Variants in PCDHA3 observed in about 807,000 individuals in gnomAD.
PCDHA3 encodes the protein protocadherin alpha-3.
In PCDHA3, 41 loss-of-function variants were observed where a neutral mutation model predicts 62.2. The ratio of observed to expected loss-of-function variants is 0.66; its 90% CI spans 0.51 to 0.86. The LOEUF (loss-of-function observed/expected upper bound fraction) is 0.86, where lower values mean the gene tolerates loss of function less well. Ranked by LOEUF, PCDHA3 falls within the 40% of genes least tolerant of loss-of-function variation. The pLI is 0.00. For missense variants in PCDHA3, 1,304 were observed against 1,241.2 expected, an observed-to-expected ratio of 1.05 and a Z score of -0.76; for synonymous variants, 640 against 555.4, an observed-to-expected ratio of 1.15 and a Z score of -2.14.
intron 1 of PCDHA3, among the ~76,000 whole-genome samples, chr5:140,839,484 G>A (rs1263127603): frequency 1.3e-5 from 2 of 151,800 alleles, no homozygotes; most frequent in African/African-American, 4.8e-5. Context: ...CTGCCTCCTG[G>A]GCTCAAGTGA....
intron 1 of PCDHA3, chr5:140,928,746 C>A (rs782813323): frequency 6.2e-7 from 1 of 1,614,130 alleles, no homozygotes. Context: ...TAGGTGAGCT[C>A]CGTACTGCTC....
chr5:140,850,511 C>T (rs2150486900), intron 1 of PCDHA3: 2 of 1,598,036 alleles, frequency 1.3e-6, no homozygotes, highest in East Asian at 2.2e-5. Context: ...TGGTGGAGAG[C>T]GGCCAGGCGC....
At chr5:140,892,894 TC>T (rs1198816126) in intron 1 of PCDHA3, among the ~76,000 whole-genome samples, 8 of 152,158 alleles carry the variant, frequency 5.3e-5, no homozygotes, top group Non-Finnish European at 7.4e-5. Context: ...AACCAACCTT[TC>T]CCCATCCTCC....
intron 1 of PCDHA3, among the ~76,000 whole-genome samples, chr5:140,900,220 A>G (rs2067832167): frequency 6.6e-6 from 1 of 152,132 alleles, no homozygotes; most frequent in South Asian, 2.1e-4. Context: ...GTTGTTGCAA[A>G]TGACTGGATC....
intron 1 of PCDHA3, among the ~76,000 whole-genome samples, chr5:140,934,942 A>G (rs146210062): frequency 2.5e-3 from 376 of 152,312 alleles, no homozygotes; most frequent in African/African-American, 8.6e-3. Flanking sequence ...AAACTAGTAT[A>G]GAGAGATCCC....
intron 1 of PCDHA3, chr5:140,927,446 T>C (rs1554204540): frequency 6.2e-7 from 1 of 1,614,128 alleles, no homozygotes; most frequent in Non-Finnish European, 8.5e-7. Flanking sequence ...TACCCGGAGT[T>C]GGTGTTGGAG....
At chr5:140,999,088 G>T (rs1429141341) in intron 3 of PCDHA3, among the ~76,000 whole-genome samples, 1 of 152,156 alleles carries the variant, frequency 6.6e-6, no homozygotes, top group Non-Finnish European at 1.5e-5. Context: ...TCCTTCAGAG[G>T]GCTATGGAGA....
chr5:140,921,511 C>T (rs1163280621), intron 1 of PCDHA3, among the ~76,000 whole-genome samples: 1 of 152,062 alleles, frequency 6.6e-6, no homozygotes, highest in Non-Finnish European at 1.5e-5. Context: ...TAGTGCCTAA[C>T]CTGAAATAAA....
chr5:140,826,555 T>C (rs2150080070), intron 1 of PCDHA3, among the ~76,000 whole-genome samples: 1 of 152,270 alleles, frequency 6.6e-6, no homozygotes, highest in East Asian at 1.9e-4. Context: ...TTTTTCTCCT[T>C]TGAAGGAGGG....
At chr5:140,927,359 A>G in intron 1 of PCDHA3, 2 of 1,613,980 alleles carry the variant, frequency 1.2e-6, no homozygotes, top group Middle Eastern at 1.6e-4. Flanking sequence ...GAGGGAAGCA[A>G]TGGGATACTA....
intron 1 of PCDHA3, chr5:140,823,834 G>T (rs1197490910): frequency 1.9e-6 from 3 of 1,613,838 alleles, no homozygotes; most frequent in East Asian, 4.5e-5. Context: ...GGGCGCTGTG[G>T]GTCCCGAGGC....
intron 1 of PCDHA3, among the ~76,000 whole-genome samples, chr5:140,959,063 A>G (rs190067147): frequency 2.0e-5 from 3 of 152,292 alleles, no homozygotes; most frequent in Admixed American, 2.0e-4. Flanking sequence ...TGCAGTATAT[A>G]TAGAATTCAG....
At chr5:140,822,983 A>G (rs2150121029) in intron 1 of PCDHA3, 2 of 1,614,216 alleles carry the variant, frequency 1.2e-6, no homozygotes, top group South Asian at 1.1e-5. Context: ...TTCAAGAATT[A>G]CTACTCGTTG....
chr5:140,967,201 A>G (rs1554229306), intron 1 of PCDHA3: 7 of 1,613,620 alleles, frequency 4.3e-6, no homozygotes, highest in Non-Finnish European at 5.9e-6. Flanking sequence ...ACGACAACTC[A>G]CCGCGTTTCC....
chr5:140,803,010 G>C lies in PCDHA3; in HGVS notation c.1813G>C (p.Ala605Pro). The stretch of plus-strand genomic sequence containing the variant: ...AGTGGATGCAGACTCAGGCTACAAC[G>C]CGTGGCTTTCGTATGAGCTGCAGCC... ...RAVDADSGYN[A>P]WLSYELQPGT... is the part of the protein sequence containing the mutation. The change falls in exon 1 of 4, where the codon GCG becomes CCG. Residue 605 changes from alanine (A) to proline (P), a missense_variant. By Grantham distance (27) the Ala-to-Pro change is conservative. Transcript: ENST00000522353. 2.5e-6 allele frequency: 4 copies of C among 1,614,028 alleles called. No homozygotes were observed. The highest frequency in any genetic ancestry group is 3.4e-6 in the Non-Finnish European group (4 of 1,179,930).
At chr5:140,874,079 T>C (rs1397045171) in intron 1 of PCDHA3, among the ~76,000 whole-genome samples, 2 of 152,234 alleles carry the variant, frequency 1.3e-5, no homozygotes, top group African/African-American at 4.8e-5. Flanking sequence ...CCTGATGACA[T>C]CAAAATTCAA....
chr5:140,998,423 T>C (rs1248330149), intron 3 of PCDHA3, among the ~76,000 whole-genome samples: 1 of 152,248 alleles, frequency 6.6e-6, no homozygotes, highest in African/African-American at 2.4e-5. Context: ...ACCTGGTTTA[T>C]CCTTTAACAC....
At chr5:140,950,546 C>G (rs1323652854) in intron 1 of PCDHA3, among the ~76,000 whole-genome samples, 4 of 151,970 alleles carry the variant, frequency 2.6e-5, no homozygotes, top group Non-Finnish European at 4.4e-5. Flanking sequence ...TCTTGCATGG[C>G]TGGGGGGACA....
At chr5:140,963,701 AG>A (rs1226096855) in intron 1 of PCDHA3, among the ~76,000 whole-genome samples, 2 of 152,218 alleles carry the variant, frequency 1.3e-5, no homozygotes, top group Non-Finnish European at 1.5e-5. Flanking sequence ...TGATATCTAA[AG>A]GGCCATGCTA....
Sources: gnomAD v4.1 joint callset for allele counts (sites outside exome capture counted in the v4.1 genomes callset) on GRCh38, gnomAD v4.1.1 for gene constraint, MANE v1.5 for transcripts, NCBI Gene and HGNC (gene_info 2026-07-23, HGNC 2026-07-21) for gene names.